The following AKAP6 variants were observed in gnomAD, a reference collection of about 807,000 sequenced individuals.
AKAP6 encodes the protein A-kinase anchor protein 6.
A neutral mutation model predicts 188.5 loss-of-function variants in AKAP6; 58 were observed. That is an observed-to-expected ratio of 0.31 (90% CI 0.25 to 0.38). The LOEUF is 0.38. Among genes scored for constraint, AKAP6 ranks in the 10% least tolerant of loss-of-function variants. AKAP6 has a pLI of 1.00. For missense variants in AKAP6, 2,710 were observed against 2,740.0 expected, an observed-to-expected ratio of 0.99 and a Z score of 0.24; for synonymous variants, 989 against 998.6, an observed-to-expected ratio of 0.99 and a Z score of 0.18.
At position 32,546,638 on chromosome 14, in the gene AKAP6, CCAT is replaced by C; in HGVS notation, c.1987_1989del (p.Ile663del). 2 of 1,614,106 alleles carry C rather than the reference CCAT, an allele frequency of 1.2e-6. No individual in the cohort carries two copies. Among genetic ancestry groups the C allele is most frequent in the Non-Finnish European group, 1.7e-6 (2 of 1,180,004 alleles). ...CTGCCTCAGAAACCCAGAGGAGAAA[CCAT>C]CCAGAATATTGATGACTGGGAACTG... On this transcript the variant is annotated inframe_deletion, in exon 4 of 14. Coordinates refer to ENST00000280979, the MANE Select transcript of AKAP6 (RefSeq NM_004274.5).
chr14:32,545,167 C>A, intron 3 of AKAP6, 63 bp from the exon 4 acceptor site: 1 of 1,482,210 alleles, frequency 6.7e-7, no homozygotes, highest in Non-Finnish European at 9.3e-7. Context: ...ATTTCATTTA[C>A]ATAGCAGCTG....
chr14:32,566,642 C>T (rs77610122), intron 4 of AKAP6, among the ~76,000 whole-genome samples: 2,184 of 152,240 alleles, frequency 0.014, 49 homozygotes, highest in African/African-American at 0.05. Flanking sequence ...TTTACTCATA[C>T]ACATGGAGTT....
intron 2 of AKAP6, among the ~76,000 whole-genome samples, chr14:32,510,066 G>A (rs1881097502): frequency 6.6e-6 from 1 of 152,010 alleles, no homozygotes; most frequent in Non-Finnish European, 1.5e-5. Context: ...GGACTTGGCT[G>A]TATTACTTTG....
chr14:32,356,129 G>A (rs12050081), intron 1 of AKAP6, among the ~76,000 whole-genome samples: 47,851 of 151,954 alleles, frequency 0.31, 8,244 homozygotes, highest in African/African-American at 0.46. Flanking sequence ...ATTGTTTCCT[G>A]TATTAATAAT....
chr14:32,407,829 A>T (rs1246774312), intron 1 of AKAP6, among the ~76,000 whole-genome samples: 1 of 152,186 alleles, frequency 6.6e-6, no homozygotes, highest in African/African-American at 2.4e-5. Flanking sequence ...GGATGTATCA[A>T]CGTGGAGGAG....
intron 1 of AKAP6, among the ~76,000 whole-genome samples, chr14:32,349,988 A>C (rs1172906977): frequency 6.6e-6 from 1 of 152,226 alleles, no homozygotes; most frequent in Non-Finnish European, 1.5e-5. Context: ...TAAAATAAAT[A>C]TACATGAGTG....
chr14:32,610,898 T>G (rs1011726096), intron 7 of AKAP6, among the ~76,000 whole-genome samples: 1 of 152,210 alleles, frequency 6.6e-6, no homozygotes, highest in Non-Finnish European at 1.5e-5. Flanking sequence ...CAGCTTTGGA[T>G]ATCAGGCTGA....
intron 2 of AKAP6, chr14:32,474,447 T>TG (rs1168163848): frequency 1.3e-5 from 2 of 152,198 alleles, no homozygotes; most frequent in Non-Finnish European, 2.9e-5. Flanking sequence ...GGCAATTGAA[T>TG]GGTAGTCTCA....
At chr14:32,799,733 G>A (rs2033880251) in intron 12 of AKAP6, among the ~76,000 whole-genome samples, 1 of 151,980 alleles carries the variant, frequency 6.6e-6, no homozygotes, top group African/African-American at 2.4e-5. Context: ...CCACGTTGTA[G>A]TATGTCTTGG....
chr14:32,752,500 A>G (rs1311408884), intron 11 of AKAP6, among the ~76,000 whole-genome samples: 1 of 152,242 alleles, frequency 6.6e-6, no homozygotes, highest in South Asian at 2.1e-4. Context: ...TTATTAAGGT[A>G]TAACAGACAA....
chr14:32,475,649 G>A (rs558450323), intron 2 of AKAP6, among the ~76,000 whole-genome samples: 1 of 150,912 alleles, frequency 6.6e-6, no homozygotes, highest in East Asian at 2.0e-4. Context: ...CTGATGAGCA[G>A]AGTCTGCAGA....
At position 32,535,800 on chromosome 14, in the gene AKAP6, A is replaced by G. The variant is rs1482791113; in HGVS notation, c.571A>G (p.Lys191Glu). 1.2e-6 allele frequency: 2 copies of G among 1,609,422 alleles called. No individual in the cohort carries two copies. Residue 191 changes from lysine (K) to glutamate (E), a missense_variant, in exon 3 of 14, where the codon AAA becomes GAA. Physicochemically the swap from Lys to Glu is moderately conservative, Grantham distance 56. Around this residue, in one of 2 missense-constraint regions of AKAP6, gnomAD observed 237 missense variants for 313.9 expected, o/e 0.76. Transcript: ENST00000280979. Reference protein sequence around the residue: ...DILQAFSEETKEGRLDSLTEV... With the variant: ...DILQAFSEETEEGRLDSLTEV... ...TCTGCAAGCTTTCTCTGAAGAGACAAAAGAGGTGAGTGTTTTCCTTGAAGT... is the reference window on the plus strand; with the variant it reads ...TCTGCAAGCTTTCTCTGAAGAGACAGAAGAGGTGAGTGTTTTCCTTGAAGT...
intron 2 of AKAP6, among the ~76,000 whole-genome samples, chr14:32,472,133 A>G (rs1369021575): frequency 6.6e-6 from 1 of 152,142 alleles, no homozygotes; most frequent in Non-Finnish European, 1.5e-5. Context: ...AAGTAAATCA[A>G]CCAGAGAGAG....
At chr14:32,759,389 T>C (rs375368181) in intron 11 of AKAP6, among the ~76,000 whole-genome samples, 2 of 152,164 alleles carry the variant, frequency 1.3e-5, no homozygotes, top group East Asian at 3.9e-4. Context: ...AATATCCTTC[T>C]TTATTTTTCT....
chr14:32,644,504 T>A (rs918082081), intron 7 of AKAP6, among the ~76,000 whole-genome samples: 2 of 152,146 alleles, frequency 1.3e-5, no homozygotes, highest in African/African-American at 4.8e-5. Flanking sequence ...CAGGGGAGTT[T>A]GTTTCTAGGA....
At chr14:32,730,019 T>C (rs2031095401) in intron 9 of AKAP6, among the ~76,000 whole-genome samples, 1 of 152,134 alleles carries the variant, frequency 6.6e-6, no homozygotes, top group Non-Finnish European at 1.5e-5. Flanking sequence ...CTAATGCTTC[T>C]GAAAAGATGT....
Position 32,433,519 on chromosome 14 carries a change from C to A in AKAP6, c.26C>A (p.Ser9Tyr), listed in dbSNP as rs1159116280. 1.9e-6 allele frequency: 3 copies of A among 1,614,018 alleles called. No homozygotes were observed. Among genetic ancestry groups the A allele is most frequent in the Non-Finnish European group, 1.7e-6 (2 of 1,179,962 alleles). Residue 9 changes from serine (S) to tyrosine (Y), a missense_variant, in exon 2 of 14, where the codon TCC becomes TAC. Transcript: ENST00000280979. ...ATGTTAACCATGAGCGTGACACTTTCCCCCCTGAGGTCACAGGACCTGGAT... is the reference window on the plus strand; with the variant it reads ...ATGTTAACCATGAGCGTGACACTTTACCCCCTGAGGTCACAGGACCTGGAT... MLTMSVTL[S>Y]PLRSQDLDPM...
At chr14:32,700,743 A>T (rs1890588557) in intron 9 of AKAP6, among the ~76,000 whole-genome samples, 1 of 152,150 alleles carries the variant, frequency 6.6e-6, no homozygotes, top group Non-Finnish European at 1.5e-5. Flanking sequence ...CTACTCTATC[A>T]TCTAGGTTTA....
At position 32,773,883 on chromosome 14, in the gene AKAP6, G is replaced by A. The variant is rs2032974293; in HGVS notation, c.3578G>A (p.Gly1193Glu). 1 of 1,613,760 alleles carries A rather than the reference G, an allele frequency of 6.2e-7. No individual in the cohort carries two copies. The highest frequency in any genetic ancestry group is 8.5e-7 in the Non-Finnish European group (1 of 1,179,840). The change falls in exon 12 of 14, where the codon GGA becomes GAA. Residue 1193 changes from glycine (G) to glutamate (E), a missense_variant. Gly to Glu is a moderately conservative substitution (Grantham distance 98). Transcript: ENST00000280979. The part of the protein sequence containing the change: ...QWQTRLQKKM[G>E]KESETLNVID... The stretch of plus-strand genomic sequence containing the variant: ...CAAACACGTCTACAAAAGAAGATGG[G>A]AAAGGAATCTGTGAGTGATGCTTTT...
Sources: gnomAD v4.1 joint callset for allele counts (sites outside exome capture counted in the v4.1 genomes callset) on GRCh38, gnomAD v4.1.1 for gene constraint, gnomAD v4.1.1 regional missense constraint, MANE v1.5 for transcripts, NCBI Gene and HGNC (gene_info 2026-07-23, HGNC 2026-07-21) for gene names.